Variants in HOOK2 observed in about 807,000 individuals in gnomAD.
The protein encoded by HOOK2 is hook microtubule tethering protein 2.
Under a neutral mutation model 111.9 loss-of-function variants are expected in HOOK2, and 108 were observed. The ratio of observed to expected loss-of-function variants is 0.96; its 90% CI spans 0.83 to 1.13. The LOEUF (loss-of-function observed/expected upper bound fraction) is 1.13. Ranked by LOEUF, HOOK2 falls within the 50% of genes most tolerant of loss-of-function variation. HOOK2 has a pLI of 0.00. For synonymous variants in HOOK2, 405 were observed against 394.3 expected (o/e 1.03, Z -0.32); for missense variants, 978 against 951.3 (o/e 1.03, Z -0.37).
intron 20 of HOOK2, 74 bp downstream of exon 20, chr19:12,764,740 G>A: frequency 7.9e-7 from 1 of 1,261,290 alleles, no homozygotes; most frequent in Non-Finnish European, 1.1e-6. Context: ...GCAAGCAGGA[G>A]GTTTGACTCA....
At chr19:12,773,996 T>G (rs1051969777) in intron 3 of HOOK2, 5 of 153,538 alleles carry the variant, frequency 3.3e-5, no homozygotes, top group African/African-American at 9.6e-5. Flanking sequence ...TTAACCCATC[T>G]GATGTAATCA....
At position 12,766,196 on chromosome 19, in the gene HOOK2, C is replaced by T. The variant is rs1436758488; in HGVS notation, c.1418G>A (p.Arg473Lys). Residue 473 changes from arginine (R) to lysine (K), a missense_variant, in exon 15 of 23, where the codon AGG becomes AAG. Physicochemically the swap from Arg to Lys is conservative, Grantham distance 26 (BLOSUM62 2). Around this residue, in one of 5 missense-constraint regions of HOOK2, gnomAD observed 388 missense variants for 358.3 expected, o/e 1.08. Coordinates refer to ENST00000397668, the MANE Select transcript of HOOK2 (RefSeq NM_013312.3). The part of the protein sequence containing the change: ...RLQLENKRLC[R>K]QEAADRERQE... Reference sequence around the variant, plus strand: ...CCGCTCCCGGTCGGCCGCCTCCTGCCTGCACAGCCGCTTGTTCTCCAGCTG... The same window carrying T: ...CCGCTCCCGGTCGGCCGCCTCCTGCTTGCACAGCCGCTTGTTCTCCAGCTG... 3.8e-6 allele frequency: 6 copies of T among 1,596,554 alleles called. No individual in the cohort carries two copies. The Admixed American group carries it at 8.4e-5, about 22-fold the overall frequency.
rs544235291 is a variant in HOOK2, at chr19:12,766,869, C to A, written c.1373+526G>T. ...AAGTGCTGGGATTACAGGCGTGAGC[C>A]ACCGCGCCCGGTCGTTTTTCGGGTT... On this transcript the variant is annotated intron_variant, in intron 14 of 22. Coordinates refer to ENST00000397668, the MANE Select transcript of HOOK2 (RefSeq NM_013312.3). Among the ~76,000 whole-genome samples the A allele has an allele frequency of 2.0e-5, 3 of 152,248 alleles. No homozygotes were observed. The East Asian group carries it at 5.8e-4, about 29-fold the overall frequency.
Position 12,764,294 on chromosome 19 carries a change from G to T in HOOK2, c.1828-516C>A, listed in dbSNP as rs1233525010. 3 of 154,424 alleles carry T rather than the reference G, an allele frequency of 1.9e-5. No homozygotes were observed. The South Asian group carries it at 5.6e-4, about 29-fold the overall frequency. The allele number at this position is 154,424 out of a possible 1,614,324, so 9.6% of individuals were successfully genotyped here. A position where few individuals can be genotyped will look rare whatever the true frequency, so the allele number is the denominator to read the frequency against. On this transcript the variant is annotated intron_variant, in intron 20 of 22. Transcript: ENST00000397668. ...CTCCCAAAGTGCTGGGATTAGCGGC[G>T]TGAGCCACTGCGCCTGGCTGTGCGT...
At chr19:12,773,237 T>A in intron 3 of HOOK2, 193 bp from the exon 4 acceptor site, 1 of 426,416 alleles carries the variant, frequency 2.3e-6, no homozygotes, top group East Asian at 3.7e-5. Flanking sequence ...GTTTCTTTTT[T>A]TTTTTTTTTT....
chr19:12,781,167 G>T (rs1028964862), upstream of HOOK2, among the ~76,000 whole-genome samples: 17 of 143,488 alleles, frequency 1.2e-4, 1 homozygote, highest in African/African-American at 4.1e-4. Flanking sequence ...GCCGGGCATG[G>T]TGGCGGGCGC....
chr19:12,763,283 C>G lies in HOOK2; in HGVS notation c.2159G>C (p.Ter720SerextTer34). The G allele has an allele frequency of 6.2e-7, 1 of 1,612,704 alleles. No individual in the cohort carries two copies. Among genetic ancestry groups the G allele is most frequent in the Non-Finnish European group, 8.5e-7 (1 of 1,179,498 alleles). ...SLNLRPTDKH[*>S] ...AGGCTGGCTTGATTGTGAGGTCTGT[C>G]AGTGCTTGTCAGTGGGGCGAAGGTT... Residue 720 changes from the stop codon to serine (S), a stop_lost, in exon 23 of 23, where the codon TGA becomes TCA. Coordinates refer to ENST00000397668, the MANE Select transcript of HOOK2 (RefSeq NM_013312.3).
chr19:12,768,078 C>T lies in HOOK2; in HGVS notation c.1150G>A (p.Glu384Lys), dbSNP rs747213341. The T allele has an allele frequency of 1.2e-6, 2 of 1,614,244 alleles. No homozygotes were observed. The highest frequency in any genetic ancestry group is 2.2e-5 in the East Asian group (1 of 44,888). ...GQRQEEAMKA[E>K]KWLFECRNLE... ...TTGCGGCATTCAAATAGCCATTTCTCGGCCTTCATGGCCTCCTCCTGCCGC... is the reference window on the plus strand; with the variant it reads ...TTGCGGCATTCAAATAGCCATTTCTTGGCCTTCATGGCCTCCTCCTGCCGC... The change falls in exon 12 of 23, where the codon GAG (glutamate) becomes AAG (lysine). Residue 384 changes from glutamate to lysine, a missense_variant. By Grantham distance (56) the Glu-to-Lys change is moderately conservative (BLOSUM62 1). Coordinates refer to ENST00000397668, the MANE Select transcript of HOOK2 (RefSeq NM_013312.3).
intron 6 of HOOK2, 142 bp downstream of exon 6, chr19:12,772,471 C>A: frequency 1.9e-6 from 2 of 1,025,878 alleles, no homozygotes. Context: ...CTGGCAGACA[C>A]ATGAGACAGA....
rs1314342991 is a variant in HOOK2, at chr19:12,791,678, A to AGCGGAG, written n.42-17454_42-17453insCTCCGC. ...CCCGAGAACGCGCGACCAGGCACCCAGTCCGGTCACCGCAGCGGAGAGCTC... is the reference window on the plus strand; with the variant it reads ...CCCGAGAACGCGCGACCAGGCACCCAGCGGAGGTCCGGTCACCGCAGCGGAGAGCTC... On this transcript the variant is annotated intron_variant and non_coding_transcript_variant, in intron 3 of 3. Coordinates refer to the HOOK2 transcript ENST00000589765. The surrounding 1 kb of genome is among the most constrained non-coding windows in gnomAD (Gnocchi z 7.0). 3 of 902,630 alleles carry AGCGGAG rather than the reference A, an allele frequency of 3.3e-6. No individual in the cohort carries two copies. The highest frequency in any genetic ancestry group is 4.8e-6 in the Non-Finnish European group (3 of 631,424). The allele number at this position is 902,630 out of a possible 1,614,324, so 55.9% of individuals were successfully genotyped here. A position where few individuals can be genotyped will look rare whatever the true frequency, so the allele number is the denominator to read the frequency against.
intron 11 of HOOK2, 144 bp downstream of exon 11, chr19:12,769,737 C>T (rs912345883): frequency 1.7e-6 from 1 of 602,780 alleles, no homozygotes; most frequent in South Asian, 2.8e-5. Context: ...GACAGAAGAG[C>T]AGCGTGGGTG....
At chr19:12,777,747 C>T (rs1386297966), upstream of HOOK2, among the ~76,000 whole-genome samples, 2 of 152,250 alleles carry the variant, frequency 1.3e-5, no homozygotes, top group African/African-American at 4.8e-5. Flanking sequence ...CCAGGGGGCG[C>T]GGAGACCGCA....
intron 2 of HOOK2, 30 bp downstream of exon 2, chr19:12,774,782 T>A (rs920882089): frequency 1.9e-6 from 3 of 1,612,928 alleles, no homozygotes; most frequent in Non-Finnish European, 2.5e-6. Context: ...GGGGGACACT[T>A]TTGGGATCCT....
At chr19:12,765,271 C>T (rs1427983611) in intron 18 of HOOK2, 190 bp from the exon 19 acceptor site, 2 of 624,482 alleles carry the variant, frequency 3.2e-6, no homozygotes, top group Non-Finnish European at 2.8e-6. Flanking sequence ...GAGCCACAAC[C>T]CTCCGCACCC....
intron 10 of HOOK2, among the ~76,000 whole-genome samples, chr19:12,770,406 G>A (rs1406825025): frequency 6.6e-6 from 1 of 151,840 alleles, no homozygotes; most frequent in Non-Finnish European, 1.5e-5. Flanking sequence ...CATTGGGGGA[G>A]GTATGGGACA....
At position 12,763,741 on chromosome 19, in the gene HOOK2, G is replaced by A. The variant is rs751517458; in HGVS notation, c.1865C>T (p.Ala622Val). ...QTMEPKQRPAAGAPPELHSLR... is the reference protein window; with the variant it reads ...QTMEPKQRPAVGAPPELHSLR... ...GGAATGGAGTTCTGGAGGTGCCCCC[G>A]CAGCTGGCCGCTGCTTGGGTTCCAT... The change falls in exon 21 of 23, where the codon GCG becomes GTG. Residue 622 changes from alanine (A) to valine (V), a missense_variant. By Grantham distance (64) the Ala-to-Val change is moderately conservative. This residue lies in a region of HOOK2 where 277 missense variants were observed against 265.8 expected (regional missense o/e 1.04). Coordinates refer to ENST00000397668, the MANE Select transcript of HOOK2 (RefSeq NM_013312.3). The A allele has an allele frequency of 7.6e-5, 122 of 1,614,026 alleles. No homozygotes were observed. Among genetic ancestry groups the A allele is most frequent in the Non-Finnish European group, 9.6e-5 (113 of 1,180,012 alleles).
rs373156108 is a variant in HOOK2, at chr19:12,773,231, C to CTTTTT, written c.205-192_205-188dup. On this transcript the variant is annotated intron_variant, in intron 3 of 22. Transcript: ENST00000397668. ...TTTGTCTGCCTGACCATCTTTGTTT[C>CTTTTT]TTTTTTTTTTTTTTTTTTTTTTTGC... 5.1e-4 allele frequency: 129 copies of CTTTTT among 254,886 alleles called. 1 individual carries two copies. Among genetic ancestry groups the CTTTTT allele is most frequent in the African/African-American group, 1.4e-3 (43 of 30,652 alleles). The allele number at this position is 254,886 out of a possible 1,614,324, so 15.8% of individuals were successfully genotyped here.
intron 3 of HOOK2, among the ~76,000 whole-genome samples, chr19:12,785,291 CTT>C (rs1568380043): frequency 6.6e-6 from 1 of 150,402 alleles, no homozygotes; most frequent in Non-Finnish European, 1.5e-5. Context: ...CCACAGACCT[CTT>C]TTTCACACAC....
At chr19:12,792,086 C>A (rs1054257033) in intron 3 of HOOK2, 4 of 1,603,718 alleles carry the variant, frequency 2.5e-6, no homozygotes, top group African/African-American at 1.3e-5. Flanking sequence ...CGCCTACACC[C>A]CCGGGACAGT....
Sources: gnomAD v4.1 joint callset for allele counts (sites outside exome capture counted in the v4.1 genomes callset) on GRCh38, gnomAD v4.1.1 for gene constraint, gnomAD v4.1.1 regional missense constraint, Gnocchi (gnomAD v3.1) non-coding constraint, MANE v1.5 for transcripts, NCBI Gene and HGNC (gene_info 2026-07-23, HGNC 2026-07-21) for gene names.